FGGY: variants seen among roughly 807,000 people sequenced by gnomAD.
The protein encoded by FGGY is FGGY carbohydrate kinase domain containing, also known as FGGY carbohydrate kinase domain-containing protein.
Under a neutral mutation model 71.3 loss-of-function variants are expected in FGGY, and 72 were observed. The ratio of observed to expected loss-of-function variants is 1.01; its 90% CI spans 0.84 to 1.23. The LOEUF (loss-of-function observed/expected upper bound fraction) is 1.23, where lower values mean the gene tolerates loss of function less well. FGGY is among the 50% of genes most tolerant of loss of function. FGGY has a pLI of 0.00. For missense variants in FGGY, 668 were observed against 682.3 expected (o/e 0.98, Z 0.23); for synonymous variants, 251 against 250.3 (o/e 1.00, Z -0.02).
chr1:59,547,753 A>G (rs1023884664), intron 7 of FGGY, among the ~76,000 whole-genome samples: 4 of 152,216 alleles, frequency 2.6e-5, no homozygotes, highest in African/African-American at 9.6e-5. Context: ...ATTATTACCC[A>G]TGAGTTGTCA....
intron 5 of FGGY, among the ~76,000 whole-genome samples, chr1:59,383,529 G>T (rs549810416): frequency 3.9e-5 from 6 of 152,180 alleles, no homozygotes; most frequent in Admixed American, 6.5e-5. Flanking sequence ...TGGGAAGGGT[G>T]TGGGTAAGAC....
intron 4 of FGGY, among the ~76,000 whole-genome samples, chr1:59,370,248 C>T (rs780019424): frequency 3.9e-5 from 6 of 152,080 alleles, no homozygotes; most frequent in Non-Finnish European, 5.9e-5. Context: ...AGCCAAGGCT[C>T]GAGAACCACG....
chr1:59,580,182 A>G (rs2096164887), intron 8 of FGGY, among the ~76,000 whole-genome samples: 1 of 152,142 alleles, frequency 6.6e-6, no homozygotes, highest in Admixed American at 6.6e-5. Context: ...TTATTTTTCT[A>G]CACACAGTTA....
intron 9 of FGGY, among the ~76,000 whole-genome samples, chr1:59,624,447 G>A (rs1197472916): frequency 6.6e-6 from 1 of 152,132 alleles, no homozygotes; most frequent in Non-Finnish European, 1.5e-5. Flanking sequence ...GCTTAAGTTA[G>A]TACTGATGTA....
At chr1:59,630,456 T>C (rs1003562510) in intron 10 of FGGY, among the ~76,000 whole-genome samples, 4 of 152,296 alleles carry the variant, frequency 2.6e-5, no homozygotes, top group Admixed American at 2.0e-4. Context: ...CCTTGAGTTC[T>C]TGTACCTGTT....
chr1:59,365,329 G>A (rs2056391969), intron 4 of FGGY, among the ~76,000 whole-genome samples: 1 of 152,158 alleles, frequency 6.6e-6, no homozygotes, highest in South Asian at 2.1e-4. Flanking sequence ...AGGTCCCGGA[G>A]AGTGAGAGGT....
Position 59,757,974 on chromosome 1 carries a change from C to G in FGGY, c.1556C>G (p.Pro519Arg), listed in dbSNP as rs771392003. 1.2e-6 allele frequency: 2 copies of G among 1,612,354 alleles called. No homozygotes were observed. Among genetic ancestry groups the G allele is most frequent in the Non-Finnish European group, 1.7e-6 (2 of 1,179,064 alleles). ...KMSKVGKVVF[P>R]RLQDKKYYDK... is the part of the protein sequence containing the mutation. The stretch of plus-strand genomic sequence containing the variant: ...AGCAAAGTTGGGAAAGTTGTGTTCC[C>G]GAGACTACAGGATAAAAAGTAAGTG... The change falls in exon 15 of 16, where the codon CCG becomes CGG. Residue 519 changes from proline to arginine, a missense_variant. By Grantham distance (103) the Pro-to-Arg change is moderately radical. Coordinates refer to ENST00000303721, the MANE Select transcript of FGGY (RefSeq NM_018291.5).
chr1:59,702,397 T>A (rs1053062479), intron 14 of FGGY, among the ~76,000 whole-genome samples: 11 of 152,330 alleles, frequency 7.2e-5, no homozygotes, highest in Middle Eastern at 3.4e-3. Context: ...TCAAGTAGAT[T>A]ATTCAGTGAC....
At chr1:59,343,813 G>GCATCTTTAT (rs1432286042) in intron 3 of FGGY, among the ~76,000 whole-genome samples, 22 of 152,144 alleles carry the variant, frequency 1.4e-4, no homozygotes, top group Non-Finnish European at 2.9e-4. Context: ...CATTTTGAGA[G>GCATCTTTAT]CATCTTTATG....
chr1:59,350,553 G>A (rs1434653084), intron 4 of FGGY, among the ~76,000 whole-genome samples: 2 of 152,068 alleles, frequency 1.3e-5, no homozygotes, highest in African/African-American at 2.4e-5. Flanking sequence ...CATGAGCTGG[G>A]GTGCTTCAGC....
At chr1:59,762,174 CCG>C (rs1299879443) in intron 15 of FGGY, among the ~76,000 whole-genome samples, 1 of 146,712 alleles carries the variant, frequency 6.8e-6, no homozygotes, top group East Asian at 2.1e-4. Context: ...ACTGCAACCT[CCG>C]CCCCCCGGGT....
At chr1:59,711,849 T>C (rs908354354) in intron 14 of FGGY, among the ~76,000 whole-genome samples, 6 of 152,170 alleles carry the variant, frequency 3.9e-5, no homozygotes, top group Non-Finnish European at 7.4e-5. Context: ...AAGATGAGAT[T>C]TGGATGCGGA....
intron 4 of FGGY, among the ~76,000 whole-genome samples, chr1:59,368,317 G>A (rs939140830): frequency 4.6e-5 from 7 of 152,226 alleles, no homozygotes; most frequent in Admixed American, 2.0e-4. Context: ...TCTGTAAAGA[G>A]TGGCAATAGC....
intron 6 of FGGY, among the ~76,000 whole-genome samples, chr1:59,484,254 A>G (rs897567267): frequency 6.6e-6 from 1 of 152,134 alleles, no homozygotes; most frequent in Non-Finnish European, 1.5e-5. Context: ...TGCATTTTTC[A>G]TAGGGATGGT....
chr1:59,603,269 C>T (rs1327357517), intron 8 of FGGY, among the ~76,000 whole-genome samples: 1 of 152,078 alleles, frequency 6.6e-6, no homozygotes, highest in Non-Finnish European at 1.5e-5. Context: ...GAACATGTCC[C>T]ATAATAAGCT....
chr1:59,354,289 G>C (rs1390457060), intron 4 of FGGY, among the ~76,000 whole-genome samples: 1 of 152,112 alleles, frequency 6.6e-6, no homozygotes, highest in Non-Finnish European at 1.5e-5. Context: ...ATGTTGCCCA[G>C]GCTGGTCTCA....
intron 5 of FGGY, among the ~76,000 whole-genome samples, chr1:59,402,373 G>T (rs1365064588): frequency 2.2e-4 from 34 of 152,170 alleles, no homozygotes; most frequent in Admixed American, 2.2e-3. Flanking sequence ...TAAGGACAAA[G>T]ATGTAGGACC....
chr1:59,693,871 G>T (rs564575281), intron 14 of FGGY, among the ~76,000 whole-genome samples: 1 of 152,198 alleles, frequency 6.6e-6, no homozygotes, highest in South Asian at 2.1e-4. Context: ...GCTGGATGTG[G>T]TGGTGTATGC....
chr1:59,648,658 C>T (rs2097124610), intron 11 of FGGY, among the ~76,000 whole-genome samples: 1 of 149,312 alleles, frequency 6.7e-6, no homozygotes, highest in African/African-American at 2.5e-5. Context: ...AGCCCTTTGT[C>T]AGATGAGTAG....
Sources: allele counts gnomAD v4.1 joint callset (sites outside exome capture counted in the v4.1 genomes callset), GRCh38; gene constraint gnomAD v4.1.1; transcripts MANE v1.5; gene names NCBI Gene and HGNC (gene_info 2026-07-23, HGNC 2026-07-21).